GRIA3: variants seen among roughly 807,000 people sequenced by gnomAD.
The protein encoded by GRIA3 is glutamate ionotropic receptor AMPA type subunit 3, also known as glutamate receptor 3.
Under a neutral mutation model 63.0 loss-of-function variants are expected in GRIA3, and 3 were observed. That is an observed-to-expected ratio of 0.05 (90% CI 0.02 to 0.12). GRIA3 has a LOEUF of 0.12. GRIA3 is among the 10% of genes least tolerant of loss of function. The pLI, the probability that GRIA3 is intolerant of heterozygous loss-of-function variation, is 1.00. For synonymous variants in GRIA3, 274 were observed against 257.9 expected, an observed-to-expected ratio of 1.06 and a Z score of -0.60; for missense variants, 347 against 700.9, an observed-to-expected ratio of 0.50 and a Z score of 5.70.
intron 3 of GRIA3, among the ~76,000 whole-genome samples, chrX:123,307,120 G>C (rs1569417408): frequency 9.0e-6 from 1 of 111,641 alleles, no homozygotes; most frequent in Non-Finnish European, 1.9e-5. Flanking sequence ...AGGCTCTAGG[G>C]ACAAGAGACA....
chrX:123,426,141 C>T (rs2045588523), intron 11 of GRIA3, among the ~76,000 whole-genome samples: 2 of 111,464 alleles, frequency 1.8e-5, no homozygotes, highest in Non-Finnish European at 1.9e-5. Flanking sequence ...GTGAGTTTTT[C>T]TGGGCATGGG....
intron 3 of GRIA3, among the ~76,000 whole-genome samples, chrX:123,260,195 C>G (rs929442579): frequency 1.9e-5 from 2 of 105,955 alleles, no homozygotes; most frequent in Non-Finnish European, 3.9e-5. Flanking sequence ...CTCATCTATT[C>G]TTCTCTGGGT....
chrX:123,184,526 T>C lies in GRIA3; in HGVS notation c.-10T>C. The stretch of plus-strand genomic sequence containing the variant: ...GCCCATGCTCTTGTCAGCTTCGTTT[T>C]AGGCGTAGCATGGCCAGGCAGAAGA... On this transcript the variant is annotated 5_prime_UTR_variant, in exon 1 of 16. It removes the in-frame stop codon of an upstream open reading frame in the 5' UTR. Coordinates refer to ENST00000620443, the MANE Select transcript of GRIA3 (RefSeq NM_007325.5). The C allele has an allele frequency of 1.7e-6, 2 of 1,183,529 alleles. No homozygotes were observed. The highest frequency in any genetic ancestry group is 3.0e-5 in the East Asian group (1 of 33,708).
chrX:123,428,588 A>C (rs2045602089), intron 12 of GRIA3, among the ~76,000 whole-genome samples: 1 of 112,389 alleles, frequency 8.9e-6, no homozygotes, highest in African/African-American at 3.2e-5. Context: ...GGACTATAAG[A>C]AATTACATAT....
intron 2 of GRIA3, among the ~76,000 whole-genome samples, chrX:123,225,034 T>C (rs139153580): frequency 3.6e-5 from 4 of 111,953 alleles, no homozygotes; most frequent in African/African-American, 1.3e-4. Context: ...GTTTTACAAT[T>C]AGGTGCGTGA....
chrX:123,472,959 T>C (rs2045871239), intron 13 of GRIA3, among the ~76,000 whole-genome samples: 1 of 113,017 alleles, frequency 8.8e-6, no homozygotes, highest in African/African-American at 3.2e-5. Context: ...GTTTGAGCTA[T>C]ATTTGTGAAC....
intron 3 of GRIA3, among the ~76,000 whole-genome samples, chrX:123,296,943 C>T (rs1440683519): frequency 9.0e-6 from 1 of 111,276 alleles, no homozygotes; most frequent in African/African-American, 3.3e-5. Flanking sequence ...ATAAAATGCT[C>T]GATTTCACTT....
intron 5 of GRIA3, among the ~76,000 whole-genome samples, chrX:123,389,991 C>T (rs2045376521): frequency 8.9e-6 from 1 of 112,178 alleles, no homozygotes; most frequent in African/African-American, 3.2e-5. Flanking sequence ...CAGGCATGAG[C>T]CACCGCGCCT....
At chrX:123,358,969 A>T (rs1439157822) in intron 5 of GRIA3, among the ~76,000 whole-genome samples, 2 of 111,652 alleles carry the variant, frequency 1.8e-5, no homozygotes, top group East Asian at 5.6e-4. Flanking sequence ...TATAATAATA[A>T]TAAGAAGAAA....
At chrX:123,332,686 C>T (rs1329664563) in intron 4 of GRIA3, among the ~76,000 whole-genome samples, 1 of 110,644 alleles carries the variant, frequency 9.0e-6, no homozygotes, top group African/African-American at 3.3e-5. Context: ...TCATCCTATC[C>T]GAAGTCTGAA....
intron 4 of GRIA3, among the ~76,000 whole-genome samples, chrX:123,343,593 CAGAGAGAG>C (rs746329134): frequency 3.1e-4 from 32 of 102,724 alleles, no homozygotes; most frequent in African/African-American, 7.8e-4. Context: ...GAGAGAAAGA[CAGAGAGAG>C]AGAGAGAGAG....
At chrX:123,377,027 C>T (rs755449391) in intron 5 of GRIA3, among the ~76,000 whole-genome samples, 36 of 107,063 alleles carry the variant, frequency 3.4e-4, no homozygotes, top group African/African-American at 1.1e-3. Flanking sequence ...CTCCGCCTCC[C>T]GGGTTCACGC....
At chrX:123,421,104 C>A (rs193007740) in intron 11 of GRIA3, among the ~76,000 whole-genome samples, 51 of 111,203 alleles carry the variant, frequency 4.6e-4, no homozygotes, top group African/African-American at 1.2e-3. Flanking sequence ...ACACAACCTA[C>A]AGAATAACAC....
intron 5 of GRIA3, among the ~76,000 whole-genome samples, chrX:123,375,806 T>C (rs1435573788): frequency 8.9e-6 from 1 of 111,905 alleles, no homozygotes; most frequent in African/African-American, 3.2e-5. Context: ...CTAACTCTTC[T>C]TTATACCAAT....
intron 5 of GRIA3, among the ~76,000 whole-genome samples, chrX:123,364,537 A>C (rs1008451546): frequency 3.6e-5 from 4 of 112,669 alleles, no homozygotes; most frequent in African/African-American, 9.7e-5. Flanking sequence ...AAATTAGTGC[A>C]GCCATTATGG....
rs148595637 is a variant in GRIA3, at chrX:123,228,916, A to C, written c.269-24387A>C. ...AACACAGAGGTCAGTAAATCAGTTG[A>C]TTTAATTATATAACACATATTACAA... On this transcript the variant is annotated intron_variant, in intron 2 of 15. Transcript: ENST00000620443. Among the ~76,000 whole-genome samples the C allele has an allele frequency of 1.6e-3, 174 of 111,945 alleles. 1 individual carries two copies. The highest frequency in any genetic ancestry group is 5.2e-3 in the African/African-American group (160 of 30,821).
intron 5 of GRIA3, among the ~76,000 whole-genome samples, chrX:123,387,630 T>G (rs187811977): frequency 4.6e-4 from 51 of 111,827 alleles, no homozygotes; most frequent in African/African-American, 1.5e-3. Flanking sequence ...TTGTTGAGAG[T>G]TTTTATTATG....
Position 123,264,334 on chromosome X carries a change from T to C in GRIA3, c.508+10792T>C, listed in dbSNP as rs370989699. Among the ~76,000 whole-genome samples the C allele has an allele frequency of 2.7e-5, 3 of 111,902 alleles. No individual in the cohort carries two copies. The East Asian group carries it at 8.4e-4, about 31-fold the overall frequency. On this transcript the variant is annotated intron_variant, in intron 3 of 15. Coordinates refer to ENST00000620443, the MANE Select transcript of GRIA3 (RefSeq NM_007325.5). ...TTAAAGAGCTAAAGACTGATTTTAA[T>C]CAGTAATATACTATTGCAGTAGGGA...
At chrX:123,286,251 T>C (rs927216543) in intron 3 of GRIA3, among the ~76,000 whole-genome samples, 1 of 112,121 alleles carries the variant, frequency 8.9e-6, no homozygotes, top group Non-Finnish European at 1.9e-5. Flanking sequence ...CCAGCATCTC[T>C]GGGATACAGC....
Sources: allele counts gnomAD v4.1 joint callset (sites outside exome capture counted in the v4.1 genomes callset), GRCh38; gene constraint gnomAD v4.1.1; transcripts MANE v1.5; gene names NCBI Gene and HGNC (gene_info 2026-07-23, HGNC 2026-07-21).